The following FHIT variants were observed in gnomAD, a reference collection of about 807,000 sequenced individuals.
The protein encoded by FHIT is fragile histidine triad diadenosine triphosphatase.
In FHIT, 19 loss-of-function variants were observed where a neutral mutation model predicts 17.9. The observed-to-expected ratio is 1.06, with a 90% CI of 0.74 to 1.56. FHIT has a LOEUF of 1.56. Ranked by LOEUF, FHIT falls within the 40% of genes most tolerant of loss-of-function variation. The pLI is 0.00. For missense variants in FHIT, 248 were observed against 189.2 expected (o/e 1.31, Z -1.82); for synonymous variants, 81 against 69.7 (o/e 1.16, Z -0.81).
chr3:60,052,487 A>G (rs1244722816), intron 5 of FHIT, among the ~76,000 whole-genome samples: 1 of 152,104 alleles, frequency 6.6e-6, no homozygotes, highest in African/African-American at 2.4e-5. Flanking sequence ...AAACTTGTCT[A>G]CAGTTTTTCT....
chr3:60,357,331 G>T (rs145799207), intron 5 of FHIT, among the ~76,000 whole-genome samples: 1 of 151,846 alleles, frequency 6.6e-6, no homozygotes, highest in East Asian at 1.9e-4. Flanking sequence ...CTCCTGCCTC[G>T]GCCTCTTGAG....
intron 8 of FHIT, among the ~76,000 whole-genome samples, chr3:59,891,393 G>T (rs1460971120): frequency 1.3e-5 from 2 of 152,208 alleles, no homozygotes; most frequent in Admixed American, 1.3e-4. Context: ...TGCTAAGCGG[G>T]GCTCCAGTGA....
chr3:60,148,872 C>A (rs1010493693), intron 5 of FHIT, among the ~76,000 whole-genome samples: 1 of 152,186 alleles, frequency 6.6e-6, no homozygotes, highest in Non-Finnish European at 1.5e-5. Context: ...TTAGCTTTAA[C>A]AAAGTAAGTG....
chr3:60,119,220 C>T (rs1576141538), intron 5 of FHIT, among the ~76,000 whole-genome samples: 1 of 151,716 alleles, frequency 6.6e-6, no homozygotes, highest in East Asian at 2.0e-4. Context: ...ACTACAGGTA[C>T]CTGCCACCAT....
At chr3:60,282,476 G>A (rs1025144235) in intron 5 of FHIT, among the ~76,000 whole-genome samples, 3 of 152,068 alleles carry the variant, frequency 2.0e-5, no homozygotes, top group Admixed American at 6.6e-5. Context: ...TATTCTATAC[G>A]AAACTGTAAT....
At chr3:61,039,220 A>G (rs955601412) in intron 3 of FHIT, among the ~76,000 whole-genome samples, 5 of 152,152 alleles carry the variant, frequency 3.3e-5, no homozygotes, top group African/African-American at 9.7e-5. Flanking sequence ...GTTAGCTCCT[A>G]CTACTGTTGC....
chr3:60,626,441 T>C (rs1173460812), intron 4 of FHIT, among the ~76,000 whole-genome samples: 3 of 152,206 alleles, frequency 2.0e-5, no homozygotes, highest in Non-Finnish European at 4.4e-5. Context: ...GCTTTTAATT[T>C]ATTCCCAAGT....
chr3:59,840,075 C>T (rs1334948059), intron 8 of FHIT, among the ~76,000 whole-genome samples: 1 of 152,128 alleles, frequency 6.6e-6, no homozygotes, highest in Non-Finnish European at 1.5e-5. Context: ...CAGGAGGAGT[C>T]AGAAGAGGGT....
chr3:61,099,564 G>A (rs1201687078), intron 2 of FHIT, among the ~76,000 whole-genome samples: 1 of 152,038 alleles, frequency 6.6e-6, no homozygotes, highest in Non-Finnish European at 1.5e-5. Flanking sequence ...TTGGTTGGTA[G>A]GCTATTTATT....
chr3:59,916,861 T>G (rs1338431955), intron 8 of FHIT, among the ~76,000 whole-genome samples: 1 of 152,246 alleles, frequency 6.6e-6, no homozygotes, highest in Admixed American at 6.5e-5. Context: ...AGTTGTTATC[T>G]TATTCTGAGT....
At chr3:60,537,103 G>A (rs1290067164) in intron 4 of FHIT, 124 bp from the exon 5 acceptor site, 14 of 740,972 alleles carry the variant, frequency 1.9e-5, no homozygotes, top group Non-Finnish European at 2.6e-5. Context: ...CATTGAAATT[G>A]TTCCTCATTG....
intron 4 of FHIT, among the ~76,000 whole-genome samples, chr3:60,603,199 T>A (rs1364553573): frequency 3.3e-5 from 5 of 152,222 alleles, no homozygotes; most frequent in Admixed American, 1.3e-4. Flanking sequence ...AACTTTTGAA[T>A]GTTTTTATAT....
chr3:60,092,188 A>G (rs2107100369), intron 5 of FHIT, among the ~76,000 whole-genome samples: 1 of 152,346 alleles, frequency 6.6e-6, no homozygotes, highest in Non-Finnish European at 1.5e-5. Flanking sequence ...AAATGAATGA[A>G]AATGAATGAA....
chr3:60,816,912 G>C (rs1701760595), intron 4 of FHIT, among the ~76,000 whole-genome samples: 1 of 151,930 alleles, frequency 6.6e-6, no homozygotes, highest in Admixed American at 6.6e-5. Context: ...GTTGCATTTA[G>C]AGCTGCAAGT....
At chr3:60,267,323 C>A (rs1405004970) in intron 5 of FHIT, among the ~76,000 whole-genome samples, 2 of 151,830 alleles carry the variant, frequency 1.3e-5, no homozygotes, top group East Asian at 3.9e-4. Flanking sequence ...CATATACACA[C>A]ACACACAATA....
chr3:59,828,159 T>C (rs1416000116), intron 8 of FHIT, among the ~76,000 whole-genome samples: 4 of 152,180 alleles, frequency 2.6e-5, no homozygotes, highest in East Asian at 3.8e-4. Flanking sequence ...GGCAAAGAAA[T>C]AGTGGTTTTA....
At chr3:60,032,387 A>T (rs1049947617) in intron 5 of FHIT, among the ~76,000 whole-genome samples, 2 of 152,110 alleles carry the variant, frequency 1.3e-5, no homozygotes, top group African/African-American at 4.8e-5. Context: ...AGGAGTTCAA[A>T]GTTGCAGTAA....
intron 7 of FHIT, among the ~76,000 whole-genome samples, chr3:59,986,991 T>C (rs1490121214): frequency 7.7e-6 from 1 of 129,180 alleles, no homozygotes; most frequent in East Asian, 2.1e-4. Context: ...AAATATTTTA[T>C]ATTTTATATA....
At chr3:59,963,626 T>C (rs995503726) in intron 7 of FHIT, among the ~76,000 whole-genome samples, 2 of 152,210 alleles carry the variant, frequency 1.3e-5, no homozygotes, top group African/African-American at 4.8e-5. Context: ...ATACTTATGA[T>C]TTCATTTATT....
Sources: gnomAD v4.1 joint callset for allele counts (sites outside exome capture counted in the v4.1 genomes callset) on GRCh38, gnomAD v4.1.1 for gene constraint, MANE v1.5 for transcripts, NCBI Gene and HGNC (gene_info 2026-07-23, HGNC 2026-07-21) for gene names.